DIAPH2: variants seen among roughly 807,000 people sequenced by gnomAD.
DIAPH2 encodes diaphanous related formin 2.
DIAPH2 carries 35 observed loss-of-function variants against 92.7 expected under a neutral mutation model. That is an observed-to-expected ratio of 0.38 (90% CI 0.29 to 0.50). DIAPH2 has a LOEUF of 0.50. Among genes scored for constraint, DIAPH2 ranks in the 20% least tolerant of loss-of-function variants. The pLI, the probability that DIAPH2 is intolerant of heterozygous loss-of-function variation, is 0.94. For missense variants in DIAPH2, 701 were observed against 819.5 expected, an observed-to-expected ratio of 0.86 and a Z score of 1.77; for synonymous variants, 301 against 280.4, an observed-to-expected ratio of 1.07 and a Z score of -0.73.
At chrX:97,138,994 G>T (rs1033587676) in intron 21 of DIAPH2, among the ~76,000 whole-genome samples, 1 of 111,230 alleles carries the variant, frequency 9.0e-6, no homozygotes, top group African/African-American at 3.3e-5. Flanking sequence ...GCTATCAAAT[G>T]GAAATCAATT....
intron 4 of DIAPH2, among the ~76,000 whole-genome samples, chrX:96,842,775 A>T (rs1237154501): frequency 9.4e-6 from 1 of 105,977 alleles, no homozygotes; most frequent in African/African-American, 3.3e-5. Flanking sequence ...GAAAGTACAG[A>T]TGTAGAGTAA....
rs34852539 is a variant in DIAPH2, at chrX:96,871,469, C to CAAAAA, written c.448-10089_448-10085dup. Reference sequence around the variant, plus strand: ...TGGGCGACAGAGCGAGACTCCGTCTCAAAAAAAAAAAAAAAAAAAAAAAAA... The same window carrying CAAAAA: ...TGGGCGACAGAGCGAGACTCCGTCTCAAAAAAAAAAAAAAAAAAAAAAAAAAAAAA... On this transcript the variant is annotated intron_variant, in intron 4 of 26. Coordinates refer to ENST00000324765, the MANE Select transcript of DIAPH2 (RefSeq NM_006729.5). Among the ~76,000 whole-genome samples the CAAAAA allele has an allele frequency of 9.0e-3, 259 of 28,792 alleles. 23 individuals are homozygous for CAAAAA. The highest frequency in any genetic ancestry group is 0.035 in the African/African-American group (245 of 7,082). 25.0% of individuals were successfully genotyped at this position (28,792 alleles called of 115,157 possible). A position where few individuals can be genotyped will look rare whatever the true frequency, so the allele number is the denominator to read the frequency against.
At chrX:97,568,569 C>T (rs2071343888) in intron 26 of DIAPH2, among the ~76,000 whole-genome samples, 1 of 111,442 alleles carries the variant, frequency 9.0e-6, no homozygotes, top group Non-Finnish European at 1.9e-5. Context: ...ATGTGCACCA[C>T]ATGATAACCA....
rs182270169 is a variant in DIAPH2, at chrX:96,783,885, C to G, written c.447+25627C>G. Among the ~76,000 whole-genome samples the G allele has an allele frequency of 2.6e-3, 295 of 112,079 alleles. 1 individual carries two copies. Among genetic ancestry groups the G allele is most frequent in the African/African-American group, 9.0e-3 (279 of 30,895 alleles). On this transcript the variant is annotated intron_variant, in intron 4 of 26. Coordinates refer to ENST00000324765, the MANE Select transcript of DIAPH2 (RefSeq NM_006729.5). ...CTGTTCGGTCATTTGGCCCTAGTTA[C>G]CATCCATCTGCATCTGAATATCCCA... is the stretch of plus-strand genomic sequence containing the variant.
chrX:97,305,496 A>AAAAC (rs772538612), intron 23 of DIAPH2, among the ~76,000 whole-genome samples: 3 of 107,396 alleles, frequency 2.8e-5, no homozygotes, highest in Non-Finnish European at 3.8e-5. Flanking sequence ...TCCGTCTCAA[A>AAAAC]AAACAAACAA....
intron 25 of DIAPH2, among the ~76,000 whole-genome samples, chrX:97,388,442 C>G (rs1395038389): frequency 2.7e-5 from 3 of 111,833 alleles, no homozygotes; most frequent in Non-Finnish European, 5.6e-5. Flanking sequence ...GCCTCAAACT[C>G]CTAGGCAGAA....
intron 26 of DIAPH2, among the ~76,000 whole-genome samples, chrX:97,570,536 T>C (rs1329185390): frequency 9.1e-6 from 1 of 109,822 alleles, no homozygotes; most frequent in Non-Finnish European, 1.9e-5. Context: ...TGATAGTGCA[T>C]TAAAAAATGC....
chrX:96,695,608 A>G (rs2063821293), intron 1 of DIAPH2, among the ~76,000 whole-genome samples: 1 of 111,443 alleles, frequency 9.0e-6, no homozygotes, highest in Admixed American at 9.5e-5. Flanking sequence ...TCTGGGCCCA[A>G]TTTTTCACAT....
chrX:96,933,060 G>T (rs1199103862), intron 10 of DIAPH2, among the ~76,000 whole-genome samples: 1 of 110,854 alleles, frequency 9.0e-6, no homozygotes, highest in Middle Eastern at 4.6e-3. Flanking sequence ...AGTGGGAAGA[G>T]AAAGTTTTGG....
intron 26 of DIAPH2, among the ~76,000 whole-genome samples, chrX:97,464,855 G>C (rs940950618): frequency 5.4e-5 from 6 of 111,293 alleles, no homozygotes; most frequent in Non-Finnish European, 1.1e-4. Context: ...TTGTTGTTTT[G>C]TTTTGTTTTT....
intron 24 of DIAPH2, among the ~76,000 whole-genome samples, chrX:97,349,008 G>A (rs866497666): frequency 1.7e-4 from 18 of 106,636 alleles, no homozygotes; most frequent in African/African-American, 6.3e-4. Flanking sequence ...ATATATGTGT[G>A]TGTATATATA....
chrX:97,130,868 G>A (rs977297669), intron 21 of DIAPH2, among the ~76,000 whole-genome samples: 3 of 111,068 alleles, frequency 2.7e-5, no homozygotes, highest in African/African-American at 9.8e-5. Flanking sequence ...ACTTTGAGAG[G>A]CCGAGGTGGG....
intron 22 of DIAPH2, among the ~76,000 whole-genome samples, chrX:97,176,364 G>A (rs1602393392): frequency 9.0e-6 from 1 of 111,383 alleles, no homozygotes; most frequent in Non-Finnish European, 1.9e-5. Context: ...CTATAGAAAT[G>A]TTTCCTATTA....
chrX:96,716,412 C>G, intron 1 of DIAPH2, among the ~76,000 whole-genome samples: 1 of 111,562 alleles, frequency 9.0e-6, no homozygotes, highest in Non-Finnish European at 1.9e-5. Flanking sequence ...ATATTATTTT[C>G]ATACCTTATA....
At chrX:96,751,393 G>A (rs2064186324) in intron 3 of DIAPH2, among the ~76,000 whole-genome samples, 2 of 106,951 alleles carry the variant, frequency 1.9e-5, no homozygotes, top group Middle Eastern at 5.0e-3. Flanking sequence ...TGGCTAACAC[G>A]GTGAAACCCA....
chrX:96,931,081 C>T (rs1392083116), intron 10 of DIAPH2, among the ~76,000 whole-genome samples: 6 of 111,701 alleles, frequency 5.4e-5, no homozygotes, highest in Non-Finnish European at 1.9e-5. Context: ...TTGTTTCCCT[C>T]AAGTCAAAAG....
chrX:96,948,204 A>G (rs748553165), intron 14 of DIAPH2, among the ~76,000 whole-genome samples: 10 of 112,501 alleles, frequency 8.9e-5, no homozygotes, highest in Non-Finnish European at 1.9e-4. Context: ...TCTTTTCAAG[A>G]TTAAATATAG....
intron 26 of DIAPH2, among the ~76,000 whole-genome samples, chrX:97,522,089 A>G (rs755888052): frequency 2.7e-5 from 3 of 112,035 alleles, no homozygotes; most frequent in Non-Finnish European, 5.6e-5. Context: ...CCTTTTACAT[A>G]AACATTAAGG....
chrX:97,492,504 T>G (rs2070731811), intron 26 of DIAPH2, among the ~76,000 whole-genome samples: 2 of 111,473 alleles, frequency 1.8e-5, no homozygotes, highest in Non-Finnish European at 3.8e-5. Context: ...TACCAGTGTG[T>G]TGTATTCTTT....
Sources: gnomAD v4.1 joint callset for allele counts (sites outside exome capture counted in the v4.1 genomes callset) on GRCh38, gnomAD v4.1.1 for gene constraint, MANE v1.5 for transcripts, NCBI Gene and HGNC (gene_info 2026-07-23, HGNC 2026-07-21) for gene names.